ZFHX3: variants seen among roughly 807,000 people sequenced by gnomAD.
ZFHX3 encodes zinc finger homeobox protein 3.
Under a neutral mutation model 279.1 loss-of-function variants are expected in ZFHX3, and 42 were observed. The observed-to-expected ratio is 0.15, with a 90% CI of 0.12 to 0.19. The LOEUF (loss-of-function observed/expected upper bound fraction) is 0.19, where lower values mean the gene tolerates loss of function less well. Among genes scored for constraint, ZFHX3 ranks in the 10% least tolerant of loss-of-function variants. The pLI is 1.00. For missense variants in ZFHX3, 4,981 were observed against 4,754.0 expected (o/e 1.05, Z -1.40); for synonymous variants, 2,293 against 1,957.8 (o/e 1.17, Z -4.52).
chr16:73,388,519 A>G (rs1197141537), intron 3 of ZFHX3, among the ~76,000 whole-genome samples: 1 of 152,186 alleles, frequency 6.6e-6, no homozygotes, highest in Non-Finnish European at 1.5e-5. Context: ...CCTGTTTAAA[A>G]TGACCCCCTC....
chr16:73,849,790 T>C (rs996574550), intron 1 of ZFHX3, among the ~76,000 whole-genome samples: 1 of 152,268 alleles, frequency 6.6e-6, no homozygotes, highest in Non-Finnish European at 1.5e-5. Context: ...TAGAGTACGA[T>C]GGCGTGATCT....
At chr16:73,734,256 T>C (rs1315276011) in intron 1 of ZFHX3, among the ~76,000 whole-genome samples, 1 of 152,056 alleles carries the variant, frequency 6.6e-6, no homozygotes, top group Non-Finnish European at 1.5e-5. Context: ...TGGCCCAGGG[T>C]TAGGGGATGG....
intron 2 of ZFHX3, among the ~76,000 whole-genome samples, chr16:73,572,701 C>A (rs980583995): frequency 6.6e-6 from 1 of 152,206 alleles, no homozygotes; most frequent in Non-Finnish European, 1.5e-5. Context: ...ATGCCTTGTG[C>A]CTGGCTTGTA....
intron 2 of ZFHX3, among the ~76,000 whole-genome samples, chr16:73,612,894 G>GA (rs931237231): frequency 2.0e-5 from 3 of 151,566 alleles, no homozygotes; most frequent in South Asian, 2.1e-4. Flanking sequence ...TCGATGAAAT[G>GA]AAAAAAAAGA....
chr16:73,182,270 G>A (rs1053550274), intron 5 of ZFHX3, among the ~76,000 whole-genome samples: 1 of 152,064 alleles, frequency 6.6e-6, no homozygotes, highest in Non-Finnish European at 1.5e-5. Flanking sequence ...CACCCTGGCC[G>A]ACACAGTGAA....
intron 2 of ZFHX3, among the ~76,000 whole-genome samples, chr16:73,643,517 T>C (rs1019982376): frequency 6.6e-6 from 1 of 152,240 alleles, no homozygotes; most frequent in Non-Finnish European, 1.5e-5. Flanking sequence ...AAATGCTATA[T>C]ACATTTGCAG....
At chr16:73,707,165 T>C (rs1304357556) in intron 1 of ZFHX3, among the ~76,000 whole-genome samples, 1 of 152,194 alleles carries the variant, frequency 6.6e-6, no homozygotes, top group African/African-American at 2.4e-5. Flanking sequence ...CCTTTCTGGC[T>C]AACTTCCTCA....
intron 2 of ZFHX3, among the ~76,000 whole-genome samples, chr16:73,540,359 G>A (rs1441025309): frequency 6.6e-6 from 1 of 152,166 alleles, no homozygotes; most frequent in African/African-American, 2.4e-5. Flanking sequence ...CTATTTTCAA[G>A]GAAGATATAT....
At chr16:73,714,192 T>C (rs895697410) in intron 1 of ZFHX3, among the ~76,000 whole-genome samples, 2 of 152,316 alleles carry the variant, frequency 1.3e-5, no homozygotes, top group Middle Eastern at 3.4e-3. Context: ...ACAATTTTGG[T>C]AATTTTCATA....
chr16:73,523,159 C>T (rs2019634591), intron 2 of ZFHX3, among the ~76,000 whole-genome samples: 1 of 152,200 alleles, frequency 6.6e-6, no homozygotes, highest in African/African-American at 2.4e-5. Flanking sequence ...GGGAACATAA[C>T]ACAAGACTTC....
chr16:73,772,596 GT>G (rs1490482264), intron 1 of ZFHX3, among the ~76,000 whole-genome samples: 3 of 152,150 alleles, frequency 2.0e-5, no homozygotes, highest in Non-Finnish European at 4.4e-5. Flanking sequence ...AGATATGTCC[GT>G]TCTGCAGTTA....
At chr16:73,638,213 A>C (rs986535575) in intron 2 of ZFHX3, among the ~76,000 whole-genome samples, 4 of 152,252 alleles carry the variant, frequency 2.6e-5, no homozygotes, top group African/African-American at 9.6e-5. Flanking sequence ...AAGGATGCTC[A>C]ATGATAGTTT....
At chr16:73,209,827 A>C (rs1395360227) in intron 5 of ZFHX3, among the ~76,000 whole-genome samples, 1 of 152,210 alleles carries the variant, frequency 6.6e-6, no homozygotes. Flanking sequence ...TAATACCTTT[A>C]TGTTAATATG....
intron 2 of ZFHX3, among the ~76,000 whole-genome samples, chr16:73,631,611 C>T (rs2052469395): frequency 6.6e-6 from 1 of 152,234 alleles, no homozygotes; most frequent in South Asian, 2.1e-4. Context: ...AATAAAAGTG[C>T]TTTGCATCTC....
Position 73,110,515 on chromosome 16 carries a change from A to C in ZFHX3, c.-896-16917T>G, listed in dbSNP as rs141039457. ...CAAGTTTTAAGAAAAATTACAAAAA[A>C]CACTCCTAAAATTTCCATACACTCT... On this transcript the variant is annotated intron_variant, in intron 7 of 17. Coordinates refer to the ZFHX3 transcript ENST00000641206. Among the ~76,000 whole-genome samples, 1,095 of 152,300 alleles carry C rather than the reference A, an allele frequency of 7.2e-3. 6 individuals carry two copies. Among genetic ancestry groups the C allele is most frequent in the Non-Finnish European group, 0.011 (754 of 68,028 alleles).
intron 1 of ZFHX3, among the ~76,000 whole-genome samples, chr16:73,728,256 G>A (rs78931665): frequency 0.047 from 7,104 of 152,254 alleles, 168 homozygotes; most frequent in Non-Finnish European, 0.052. Flanking sequence ...ATGAGCCAGA[G>A]AGAGGTGCCT....
intron 1 of ZFHX3, among the ~76,000 whole-genome samples, chr16:73,723,565 A>G (rs1317335410): frequency 6.6e-6 from 1 of 152,224 alleles, no homozygotes; most frequent in Non-Finnish European, 1.5e-5. Context: ...TAGAAAAAAA[A>G]TGAGAAGGAT....
intron 7 of ZFHX3, among the ~76,000 whole-genome samples, chr16:73,101,250 T>C (rs76204966): frequency 0.027 from 4,158 of 152,326 alleles, 194 homozygotes; most frequent in African/African-American, 0.092. Context: ...AAAATTTATT[T>C]CAAATTGATG....
In ZFHX3 at chr16:73,423,846, G is replaced by A. The variant is rs553753511; in HGVS notation, c.-1291+32157C>T. ...CACTGCACTCTAGCTTGTGAGACAGGGTGAGACTCCATCTCAAAAAAAAAA... is the reference window on the plus strand; with the variant it reads ...CACTGCACTCTAGCTTGTGAGACAGAGTGAGACTCCATCTCAAAAAAAAAA... On this transcript the variant is annotated intron_variant, in intron 3 of 17. Coordinates refer to the ZFHX3 transcript ENST00000641206. Among the ~76,000 whole-genome samples, 34 of 133,832 alleles carry A rather than the reference G, an allele frequency of 2.5e-4. 1 individual carries two copies. The South Asian group carries it at 7.9e-3, about 31-fold the overall frequency. 87.8% of individuals were successfully genotyped at this position (133,832 alleles called of 152,430 possible). A position where few individuals can be genotyped will look rare whatever the true frequency, so the allele number is the denominator to read the frequency against.
Sources: gnomAD v4.1 joint callset for allele counts (sites outside exome capture counted in the v4.1 genomes callset) on GRCh38, gnomAD v4.1.1 for gene constraint, MANE v1.5 for transcripts, NCBI Gene and HGNC (gene_info 2026-07-23, HGNC 2026-07-21) for gene names.